ABTB3: variants seen among roughly 807,000 people sequenced by gnomAD.
ABTB3 encodes the protein ankyrin repeat- and BTB/POZ domain-containing protein 3.
chr12:107,632,035 A>C, the ABTB3 span, among the ~76,000 whole-genome samples: 1 of 152,214 alleles, frequency 6.6e-6, no homozygotes, highest in Admixed American at 6.5e-5. Context: ...AAGCATGGCC[A>C]GCCCTTATAT....
chr12:107,509,228 A>G, the ABTB3 span, among the ~76,000 whole-genome samples: 1 of 152,194 alleles, frequency 6.6e-6, no homozygotes, highest in African/African-American at 2.4e-5. Context: ...GGAGAGAAGG[A>G]GGGATGACAA....
chr12:107,414,101 G>A, the ABTB3 span, among the ~76,000 whole-genome samples: 1 of 152,144 alleles, frequency 6.6e-6, no homozygotes, highest in Non-Finnish European at 1.5e-5. Context: ...GAAATTTAGA[G>A]ACTCGTCTAA....
chr12:107,657,478 C>G, the ABTB3 span: 2 of 1,592,100 alleles, frequency 1.3e-6, no homozygotes, highest in Admixed American at 1.7e-5. Flanking sequence ...GGAAGCGTAA[C>G]CATCTCCCAT....
the ABTB3 span, among the ~76,000 whole-genome samples, chr12:107,607,665 C>T: frequency 3.2e-3 from 495 of 152,320 alleles, no homozygotes; most frequent in African/African-American, 0.011. Context: ...GGCTCCAGTC[C>T]TTGGAGTCCG....
At chr12:107,387,892 G>A in the ABTB3 span, among the ~76,000 whole-genome samples, 2 of 151,732 alleles carry the variant, frequency 1.3e-5, no homozygotes, top group African/African-American at 4.8e-5. Flanking sequence ...AAATAGTGAA[G>A]ACTCCTCCTC....
chr12:107,558,399 G>A, the ABTB3 span, among the ~76,000 whole-genome samples: 3 of 152,194 alleles, frequency 2.0e-5, no homozygotes, highest in South Asian at 2.1e-4. Context: ...CCCTGTCTGC[G>A]CTGAGGCTGT....
At chr12:107,418,426 T>C in the ABTB3 span, among the ~76,000 whole-genome samples, 1 of 152,224 alleles carries the variant, frequency 6.6e-6, no homozygotes, top group Non-Finnish European at 1.5e-5. Flanking sequence ...ATCCTATTAG[T>C]TCTGTCCCTC....
chr12:107,409,043 G>T, the ABTB3 span, among the ~76,000 whole-genome samples: 2 of 152,216 alleles, frequency 1.3e-5, no homozygotes, highest in Non-Finnish European at 2.9e-5. Context: ...CTTCTGAGTG[G>T]ATCTTTAAAG....
chr12:107,520,595 A>G, the ABTB3 span: 2 of 1,614,230 alleles, frequency 1.2e-6, no homozygotes, highest in Non-Finnish European at 8.5e-7. Context: ...ACCATCGAGC[A>G]GTCTTTGCTG....
chr12:107,511,127 C>T, the ABTB3 span, among the ~76,000 whole-genome samples: 10 of 152,080 alleles, frequency 6.6e-5, no homozygotes, highest in African/African-American at 1.7e-4. Flanking sequence ...TTGCCATCCC[C>T]GCCTTCCTAC....
chr12:107,410,265 G>A, the ABTB3 span, among the ~76,000 whole-genome samples: 28 of 151,466 alleles, frequency 1.8e-4, 1 homozygote, highest in South Asian at 1.5e-3. Flanking sequence ...GCTAAGGAAC[G>A]GGGGCAGAGT....
chr12:107,394,427 T>C, the ABTB3 span, among the ~76,000 whole-genome samples: 1 of 152,246 alleles, frequency 6.6e-6, no homozygotes, highest in African/African-American at 2.4e-5. Flanking sequence ...CTGTCCATTC[T>C]GATCTTGGCT....
At chr12:107,590,939 A>C in the ABTB3 span, among the ~76,000 whole-genome samples, 1 of 152,228 alleles carries the variant, frequency 6.6e-6, no homozygotes, top group African/African-American at 2.4e-5. Context: ...CTCTAGTTTA[A>C]AATATTAATT....
the ABTB3 span, among the ~76,000 whole-genome samples, chr12:107,322,296 C>T: frequency 2.0e-5 from 3 of 152,104 alleles, no homozygotes; most frequent in Admixed American, 6.5e-5. Flanking sequence ...TCTTGGGTTT[C>T]GGGGCCCCTT....
At chr12:107,635,306 C>A in the ABTB3 span, 1 of 1,613,826 alleles carries the variant, frequency 6.2e-7, no homozygotes. Flanking sequence ...CAGCCAGCAG[C>A]TGTGCGTCAT....
the ABTB3 span, among the ~76,000 whole-genome samples, chr12:107,350,871 T>C: frequency 6.6e-6 from 1 of 152,090 alleles, no homozygotes; most frequent in African/African-American, 2.4e-5. Context: ...ATGGAGAGGG[T>C]TGTTTTAAAA....
At chr12:107,384,604 G>A in the ABTB3 span, among the ~76,000 whole-genome samples, 1 of 152,204 alleles carries the variant, frequency 6.6e-6, no homozygotes, top group South Asian at 2.1e-4. Flanking sequence ...GTTGAGCTGT[G>A]ATATACTCAC....
chr12:107,402,872 A>G, the ABTB3 span, among the ~76,000 whole-genome samples: 7 of 152,148 alleles, frequency 4.6e-5, no homozygotes, highest in Non-Finnish European at 1.0e-4. Context: ...CTGTGGACCA[A>G]CTATTTCCAG....
the ABTB3 span, among the ~76,000 whole-genome samples, chr12:107,498,375 G>T: frequency 6.6e-6 from 1 of 152,278 alleles, no homozygotes; most frequent in Admixed American, 6.5e-5. Flanking sequence ...GCACCCTGAG[G>T]AGCCTCGTGA....
Sources: allele counts gnomAD v4.1 joint callset (sites outside exome capture counted in the v4.1 genomes callset), GRCh38; gene constraint gnomAD v4.1.1; transcripts MANE v1.5; gene names NCBI Gene and HGNC (gene_info 2026-07-23, HGNC 2026-07-21).